The following FOXRED1 variants were observed in gnomAD, a reference collection of about 807,000 sequenced individuals.
The protein encoded by FOXRED1 is FAD dependent oxidoreductase domain containing 1.
A neutral mutation model predicts 57.8 loss-of-function variants in FOXRED1; 52 were observed. The observed-to-expected ratio is 0.90, with a 90% CI of 0.72 to 1.13. FOXRED1 has a LOEUF of 1.13. FOXRED1 is among the 50% of genes most tolerant of loss of function. The pLI, the probability that FOXRED1 is intolerant of heterozygous loss-of-function variation, is 0.00. For missense variants in FOXRED1, 589 were observed against 625.2 expected (o/e 0.94, Z 0.62); for synonymous variants, 271 against 248.3 (o/e 1.09, Z -0.86).
In FOXRED1 at chr11:126,272,250, C is replaced by T. The variant is rs569695379; in HGVS notation, c.306+593C>T. Reference sequence around the variant, plus strand: ...GTGCTGGGATTACAGGCATGAGCCACCATTCCCAGCCCTCAACTTGCTTCT... The same window carrying T: ...GTGCTGGGATTACAGGCATGAGCCATCATTCCCAGCCCTCAACTTGCTTCT... On this transcript the variant is annotated intron_variant, in intron 2 of 10. Coordinates refer to ENST00000263578, the MANE Select transcript of FOXRED1 (RefSeq NM_017547.4). The surrounding 1 kb of genome is among the most constrained non-coding windows in gnomAD (Gnocchi z 4.6). Among the ~76,000 whole-genome samples, 1 of 151,966 alleles carries T rather than the reference C, an allele frequency of 6.6e-6. No homozygotes were observed. Among genetic ancestry groups the T allele is most frequent in the Non-Finnish European group, 1.5e-5 (1 of 67,884 alleles).
At position 126,269,300 on chromosome 11, in the gene FOXRED1, G is replaced by C. The variant is rs377294474; in HGVS notation, c.85+9G>C. 6 of 1,614,044 alleles carry C rather than the reference G, an allele frequency of 3.7e-6. No homozygotes were observed. Among genetic ancestry groups the C allele is most frequent in the African/African-American group, 1.3e-5 (1 of 74,960 alleles). ...AGGAGGCTTTTCTCTGGGTAAAGTTGAGGACGACAGAGGGTATTGTGGTTC... is the reference window on the plus strand; with the variant it reads ...AGGAGGCTTTTCTCTGGGTAAAGTTCAGGACGACAGAGGGTATTGTGGTTC... On this transcript the variant is annotated intron_variant, in intron 1 of 10. Coordinates refer to ENST00000263578, the MANE Select transcript of FOXRED1 (RefSeq NM_017547.4).
chr11:126,275,994 G>A lies in FOXRED1; in HGVS notation c.811-65G>A. 6.2e-7 allele frequency: 1 copy of A among 1,600,956 alleles called. No individual in the cohort carries two copies. Among genetic ancestry groups the A allele is most frequent in the Non-Finnish European group, 8.6e-7 (1 of 1,168,832 alleles). ...GGTAAACTAAGGCTCAGGAAGCAGT[G>A]CATCTCTCAGGGTGCCTGGTGTGTG... On this transcript the variant is annotated intron_variant, in intron 7 of 10. Transcript: ENST00000263578. This position sits in a 1 kb window ranked among gnomAD's most constrained non-coding sequence, Gnocchi z 5.9.
chr11:126,273,617 A>C lies in FOXRED1; in HGVS notation c.536+163A>C, dbSNP rs1414375124. 2.9e-6 allele frequency: 2 copies of C among 681,078 alleles called. No homozygotes were observed. The highest frequency in any genetic ancestry group is 2.7e-5 in the East Asian group (1 of 36,832). 42.2% of individuals were successfully genotyped at this position (681,078 alleles called of 1,614,324 possible). A position where few individuals can be genotyped will look rare whatever the true frequency, so the allele number is the denominator to read the frequency against. ...ATACACAGACCTGCAATGCCCTGGG[A>C]GTGCTGTACCACAGATATGGACAAA... is the stretch of plus-strand genomic sequence containing the variant. On this transcript the variant is annotated intron_variant, in intron 4 of 10. Transcript: ENST00000263578. This position sits in a 1 kb window ranked among gnomAD's most constrained non-coding sequence, Gnocchi z 5.9.
rs75386903 is a variant in FOXRED1, at chr11:126,273,508, C to T, written c.536+54C>T. 2,903 of 1,158,938 alleles carry T rather than the reference C, an allele frequency of 2.5e-3. 36 individuals are homozygous for T. The African/African-American group carries it at 0.027, about 11-fold the overall frequency. 71.8% of individuals were successfully genotyped at this position (1,158,938 alleles called of 1,614,324 possible). The stretch of plus-strand genomic sequence containing the variant: ...CTTGGCAGCCAAAGGTGTTGGGTGA[C>T]TCCTGCACCAGGTTAGGAAGCGAGA... On this transcript the variant is annotated intron_variant, in intron 4 of 10. Transcript: ENST00000263578. The surrounding 1 kb of genome is among the most constrained non-coding windows in gnomAD (Gnocchi z 5.9).
chr11:126,271,279 A>G lies in FOXRED1; in HGVS notation c.86-158A>G. On this transcript the variant is annotated intron_variant, in intron 1 of 10. Transcript: ENST00000263578. This position sits in a 1 kb window ranked among gnomAD's most constrained non-coding sequence, Gnocchi z 5.3. ...GTGGACTATTCAGAAAACTGTGGCA[A>G]CACTGTTGGGTGCAAGGTGACCTTA... The G allele has an allele frequency of 1.5e-6, 1 of 683,522 alleles. No individual in the cohort carries two copies. The highest frequency in any genetic ancestry group is 2.7e-6 in the Non-Finnish European group (1 of 373,808). 42.3% of individuals were successfully genotyped at this position (683,522 alleles called of 1,614,324 possible).
At position 126,277,779 on chromosome 11, in the gene FOXRED1, C is replaced by A; in HGVS notation, c.*90C>A. The A allele has an allele frequency of 7.1e-7, 1 of 1,400,274 alleles. No homozygotes were observed. Among genetic ancestry groups the A allele is most frequent in the Non-Finnish European group, 1.0e-6 (1 of 991,402 alleles). 86.7% of individuals were successfully genotyped at this position (1,400,274 alleles called of 1,614,324 possible). On this transcript the variant is annotated 3_prime_UTR_variant, in exon 11 of 11. Coordinates refer to ENST00000263578, the MANE Select transcript of FOXRED1 (RefSeq NM_017547.4). This position sits in a 1 kb window ranked among gnomAD's most constrained non-coding sequence, Gnocchi z 6.8. ...GCTTCCATCTTCCCCAGTACTGTGC[C>A]AGGCCTTCTCCCCCTCCCCAGTGTC...
intron 1 of FOXRED1, among the ~76,000 whole-genome samples, chr11:126,270,271 A>T (rs1950945955): frequency 6.6e-6 from 1 of 152,256 alleles, no homozygotes; most frequent in Non-Finnish European, 1.5e-5. Context: ...GCCAGACCAA[A>T]GAAAGATTCC....
Position 126,271,418 on chromosome 11 carries a change from C to T in FOXRED1, c.86-19C>T. On this transcript the variant is annotated intron_variant, in intron 1 of 10. Coordinates refer to ENST00000263578, the MANE Select transcript of FOXRED1 (RefSeq NM_017547.4). This position sits in a 1 kb window ranked among gnomAD's most constrained non-coding sequence, Gnocchi z 5.3. ...GGGAAGGAAATGTTTGGCCCTCTGACCCTAACTACATCCCACAGACTGGGA... is the reference window on the plus strand; with the variant it reads ...GGGAAGGAAATGTTTGGCCCTCTGATCCTAACTACATCCCACAGACTGGGA... 2 of 1,586,360 alleles carry T rather than the reference C, an allele frequency of 1.3e-6. No individual in the cohort carries two copies. Among genetic ancestry groups the T allele is most frequent in the Non-Finnish European group, 1.7e-6 (2 of 1,154,858 alleles).
chr11:126,274,753 G>C lies in FOXRED1; in HGVS notation c.537-174G>C. The C allele has an allele frequency of 1.5e-6, 1 of 670,308 alleles. No homozygotes were observed. Among genetic ancestry groups the C allele is most frequent in the East Asian group, 2.8e-5 (1 of 35,878 alleles). The allele number at this position is 670,308 out of a possible 1,614,324, so 41.5% of individuals were successfully genotyped here. A position where few individuals can be genotyped will look rare whatever the true frequency, so the allele number is the denominator to read the frequency against. ...AAAGGCAGTCAAGGCTGAAGAGCCT[G>C]ACTAGGAGGCTTGGTCTTCAGCCGC... is the stretch of plus-strand genomic sequence containing the variant. On this transcript the variant is annotated intron_variant, in intron 4 of 10. Transcript: ENST00000263578. This position sits in a 1 kb window ranked among gnomAD's most constrained non-coding sequence, Gnocchi z 4.8.
In FOXRED1 at chr11:126,272,439, T is replaced by C; in HGVS notation, c.307-530T>C. On this transcript the variant is annotated intron_variant, in intron 2 of 10. Transcript: ENST00000263578. This position sits in a 1 kb window ranked among gnomAD's most constrained non-coding sequence, Gnocchi z 4.6. ...TCCAGAGTAGCTGGGACCACAGGCA[T>C]GCACCACCACACCTGGCTAATTTCT... 4.4e-6 allele frequency: 1 copy of C among 226,112 alleles called. No individual in the cohort carries two copies. Among genetic ancestry groups the C allele is most frequent in the Non-Finnish European group, 8.9e-6 (1 of 112,992 alleles). The allele number at this position is 226,112 out of a possible 1,614,324, so 14.0% of individuals were successfully genotyped here. A position where few individuals can be genotyped will look rare whatever the true frequency, so the allele number is the denominator to read the frequency against.
Position 126,273,452 on chromosome 11 carries a change from G to A in FOXRED1, c.534G>A (p.Gln178=). 1.2e-6 allele frequency: 2 copies of A among 1,603,486 alleles called. No individual in the cohort carries two copies. Among genetic ancestry groups the A allele is most frequent in the Non-Finnish European group, 1.7e-6 (2 of 1,170,532 alleles). Residue 178 remains glutamine, a splice_region_variant and synonymous_variant, in exon 4 of 11, where the codon CAG becomes CAA. Transcript: ENST00000263578. The surrounding 1 kb of genome is among the most constrained non-coding windows in gnomAD (Gnocchi z 5.9). ...CCATGGAGAGCAACGTGAAAGTGCA[G>A]AGGTGGGTGCCTGGCACAGCCTCTT... ...AAAMESNVKV[Q]RQEGAKVSLM...
intron 1 of FOXRED1, 57 bp downstream of exon 1, chr11:126,269,348 T>C (rs1950905847): frequency 6.2e-7 from 1 of 1,613,614 alleles, no homozygotes; most frequent in East Asian, 2.2e-5. Flanking sequence ...AACCTCCGAC[T>C]GTGTGTCCTT....
rs1951200763 is a variant in FOXRED1, at chr11:126,277,871, A to G, written c.*182A>G. 1 of 716,122 alleles carries G rather than the reference A, an allele frequency of 1.4e-6. No individual in the cohort carries two copies. Among genetic ancestry groups the G allele is most frequent in the South Asian group, 1.5e-5 (1 of 67,842 alleles). 44.4% of individuals were successfully genotyped at this position (716,122 alleles called of 1,614,324 possible). On this transcript the variant is annotated 3_prime_UTR_variant, in exon 11 of 11. Coordinates refer to ENST00000263578, the MANE Select transcript of FOXRED1 (RefSeq NM_017547.4). This position sits in a 1 kb window ranked among gnomAD's most constrained non-coding sequence, Gnocchi z 6.8. Reference sequence around the variant, plus strand: ...GGCACAGGCAGTGAGGCCGAGGCCAATAGCGAGTGATGAGCGGGATCCTAG... The same window carrying G: ...GGCACAGGCAGTGAGGCCGAGGCCAGTAGCGAGTGATGAGCGGGATCCTAG...
chr11:126,272,538 C>T lies in FOXRED1; in HGVS notation c.307-431C>T, dbSNP rs1212736417. 1.2e-5 allele frequency: 3 copies of T among 250,156 alleles called. No individual in the cohort carries two copies. Among genetic ancestry groups the T allele is most frequent in the South Asian group, 4.6e-5 (1 of 21,968 alleles). 15.5% of individuals were successfully genotyped at this position (250,156 alleles called of 1,614,324 possible). A position where few individuals can be genotyped will look rare whatever the true frequency, so the allele number is the denominator to read the frequency against. On this transcript the variant is annotated intron_variant, in intron 2 of 10. Coordinates refer to ENST00000263578, the MANE Select transcript of FOXRED1 (RefSeq NM_017547.4). The surrounding 1 kb of genome is among the most constrained non-coding windows in gnomAD (Gnocchi z 4.6). ...GATTCCTGAACTCAAGCAATCAGCC[C>T]GCCTCGGCCTCCCAAAGTGCTGGGA... is the stretch of plus-strand genomic sequence containing the variant.
At position 126,271,920 on chromosome 11, in the gene FOXRED1, G is replaced by A. The variant is rs1565352329; in HGVS notation, c.306+263G>A. The A allele has an allele frequency of 6.5e-6, 3 of 459,324 alleles. No homozygotes were observed. The highest frequency in any genetic ancestry group is 6.4e-5 in the South Asian group (3 of 46,828). 28.5% of individuals were successfully genotyped at this position (459,324 alleles called of 1,614,324 possible). A position where few individuals can be genotyped will look rare whatever the true frequency, so the allele number is the denominator to read the frequency against. On this transcript the variant is annotated intron_variant, in intron 2 of 10. Transcript: ENST00000263578. This position sits in a 1 kb window ranked among gnomAD's most constrained non-coding sequence, Gnocchi z 5.3. ...TTCGAGATCTCATAGCTCTGGTCATGAGAGCCTGCATTCAAGCTATAATTA... is the reference window on the plus strand; with the variant it reads ...TTCGAGATCTCATAGCTCTGGTCATAAGAGCCTGCATTCAAGCTATAATTA...
chr11:126,272,769 CCT>C lies in FOXRED1; in HGVS notation c.307-195_307-194del. 1 of 633,946 alleles carries C rather than the reference CCT, an allele frequency of 1.6e-6. No homozygotes were observed. Among genetic ancestry groups the C allele is most frequent in the South Asian group, 1.8e-5 (1 of 55,320 alleles). 39.3% of individuals were successfully genotyped at this position (633,946 alleles called of 1,614,324 possible). A position where few individuals can be genotyped will look rare whatever the true frequency, so the allele number is the denominator to read the frequency against. ...TGTCAGCTCTTTCCAGATGACTGAC[CCT>C]CTCTGCTCTGCACATCCACTACTAA... On this transcript the variant is annotated intron_variant, in intron 2 of 10. Coordinates refer to ENST00000263578, the MANE Select transcript of FOXRED1 (RefSeq NM_017547.4). This position sits in a 1 kb window ranked among gnomAD's most constrained non-coding sequence, Gnocchi z 4.6.
chr11:126,276,354 A>T, intron 8 of FOXRED1, 40 bp from the exon 9 acceptor site: 1 of 790,286 alleles, frequency 1.3e-6, no homozygotes, highest in Non-Finnish European at 1.6e-6. Context: ...GTTGCCGGCC[A>T]TGCTGTTTCT....
rs775158370 is a variant in FOXRED1, at chr11:126,275,755, A to G, written c.734-39A>G. 3.7e-6 allele frequency: 5 copies of G among 1,357,610 alleles called. No individual in the cohort carries two copies. Among genetic ancestry groups the G allele is most frequent in the Non-Finnish European group, 5.3e-6 (5 of 947,214 alleles). The allele number at this position is 1,357,610 out of a possible 1,614,324, so 84.1% of individuals were successfully genotyped here. A position where few individuals can be genotyped will look rare whatever the true frequency, so the allele number is the denominator to read the frequency against. On this transcript the variant is annotated intron_variant, in intron 6 of 10. Transcript: ENST00000263578. The surrounding 1 kb of genome is among the most constrained non-coding windows in gnomAD (Gnocchi z 5.9). ...TGAAATCCCCATTTCATTCCTCTTC[A>G]GCACCTCTACGGCCTATTTTTCATT... is the stretch of plus-strand genomic sequence containing the variant.
Position 126,273,613 on chromosome 11 carries a change from T to C in FOXRED1, c.536+159T>C. 1 of 684,868 alleles carries C rather than the reference T, an allele frequency of 1.5e-6. No homozygotes were observed. The highest frequency in any genetic ancestry group is 1.5e-5 in the South Asian group (1 of 66,678). The allele number at this position is 684,868 out of a possible 1,614,324, so 42.4% of individuals were successfully genotyped here. A position where few individuals can be genotyped will look rare whatever the true frequency, so the allele number is the denominator to read the frequency against. On this transcript the variant is annotated intron_variant, in intron 4 of 10. Coordinates refer to ENST00000263578, the MANE Select transcript of FOXRED1 (RefSeq NM_017547.4). The surrounding 1 kb of genome is among the most constrained non-coding windows in gnomAD (Gnocchi z 5.9). ...GAAAATACACAGACCTGCAATGCCC[T>C]GGGAGTGCTGTACCACAGATATGGA...
Sources: allele counts gnomAD v4.1 joint callset (sites outside exome capture counted in the v4.1 genomes callset), GRCh38; gene constraint gnomAD v4.1.1; non-coding constraint Gnocchi (gnomAD v3.1); transcripts MANE v1.5; gene names NCBI Gene and HGNC (gene_info 2026-07-23, HGNC 2026-07-21).